The following DMD variants were observed in gnomAD, a reference collection of about 807,000 sequenced individuals.
The protein encoded by DMD is mutant dystrophin.
Under a neutral mutation model 330.1 loss-of-function variants are expected in DMD, and 63 were observed. The ratio of observed to expected loss-of-function variants is 0.19; its 90% confidence interval spans 0.16 to 0.24. The LOEUF is 0.24. Among genes scored for constraint, DMD ranks in the 10% least tolerant of loss-of-function variants. DMD has a pLI of 1.00. For missense variants in DMD, 3,344 were observed against 2,684.1 expected (o/e 1.25, Z -5.43); for synonymous variants, 1,223 against 959.8 (o/e 1.27, Z -5.07).
At chrX:32,099,545 T>C (rs978989886) in intron 44 of DMD, among the ~76,000 whole-genome samples, 4 of 109,132 alleles carry the variant, frequency 3.7e-5, no homozygotes, top group Middle Eastern at 8.5e-3. Flanking sequence ...ATATACACCA[T>C]GGAATACTAT....
At chrX:31,939,482 T>A (rs2094964331) in intron 45 of DMD, among the ~76,000 whole-genome samples, 1 of 111,939 alleles carries the variant, frequency 8.9e-6, no homozygotes, top group Non-Finnish European at 1.9e-5. Flanking sequence ...GGAAAGTAAG[T>A]CCAAATCTAA....
At chrX:32,121,619 G>GCATATATA (rs2096635420) in intron 44 of DMD, among the ~76,000 whole-genome samples, 1 of 28,715 alleles carries the variant, frequency 3.5e-5, no homozygotes, top group Non-Finnish European at 6.1e-5. Flanking sequence ...AAATATGTGT[G>GCATATATA]CATATATATA....
intron 1 of DMD, among the ~76,000 whole-genome samples, chrX:33,180,843 C>CTTTT (rs3990972): frequency 2.4e-4 from 20 of 84,755 alleles, no homozygotes; most frequent in South Asian, 2.1e-3. Flanking sequence ...TGTCTAAGAG[C>CTTTT]TTTTTTTTTT....
At chrX:33,003,689 CTTATA>C (rs72502457) in intron 2 of DMD, among the ~76,000 whole-genome samples, 3,908 of 111,385 alleles carry the variant, frequency 0.035, 126 homozygotes, top group East Asian at 0.2. Flanking sequence ...GCTGAAATGT[CTTATA>C]TAAATAGTCT....
intron 1 of DMD, among the ~76,000 whole-genome samples, chrX:33,071,375 C>T (rs188403708): frequency 7.2e-4 from 74 of 103,300 alleles, no homozygotes; most frequent in Admixed American, 2.2e-3. Context: ...GCTGAGATCA[C>T]GCCACTTCAC....
intron 30 of DMD, among the ~76,000 whole-genome samples, chrX:32,395,526 C>A (rs1187556841): frequency 9.0e-6 from 1 of 111,289 alleles, no homozygotes; most frequent in South Asian, 3.7e-4. Flanking sequence ...ACATACGTAA[C>A]AAACCTGCAT....
chrX:31,577,851 G>C (rs2076174240), intron 55 of DMD, among the ~76,000 whole-genome samples: 1 of 111,346 alleles, frequency 9.0e-6, no homozygotes, highest in African/African-American at 3.3e-5. Context: ...ATCAATGTGA[G>C]AGTTACAACT....
At chrX:32,906,868 C>T (rs962655051) in intron 2 of DMD, among the ~76,000 whole-genome samples, 6 of 111,161 alleles carry the variant, frequency 5.4e-5, no homozygotes, top group African/African-American at 9.8e-5. Flanking sequence ...CCAAATCAAT[C>T]GGCCAAGCAA....
chrX:32,795,086 G>T (rs774606444), intron 7 of DMD, among the ~76,000 whole-genome samples: 2 of 111,907 alleles, frequency 1.8e-5, no homozygotes, highest in African/African-American at 6.5e-5. Context: ...TCTACTCAAA[G>T]CATTCTACAT....
chrX:32,509,057 G>A (rs752690253), intron 18 of DMD, among the ~76,000 whole-genome samples: 2 of 109,635 alleles, frequency 1.8e-5, no homozygotes, highest in South Asian at 7.9e-4. Context: ...TGATCCACCC[G>A]CCTCGACCTC....
chrX:31,314,764 G>GAA (rs1424885557), intron 62 of DMD, among the ~76,000 whole-genome samples: 43,369 of 95,536 alleles, frequency 0.45, 7,632 homozygotes, highest in South Asian at 0.64. Context: ...GAGAGAGAGA[G>GAA]AGAGAGAGAG....
intron 44 of DMD, among the ~76,000 whole-genome samples, chrX:32,015,196 C>T (rs765498644): frequency 1.7e-4 from 19 of 111,739 alleles, no homozygotes; most frequent in East Asian, 8.4e-4. Context: ...GATTCAGATA[C>T]GCAATCAAAG....
chrX:32,974,276 C>T (rs1307999280), intron 2 of DMD, among the ~76,000 whole-genome samples: 1 of 110,962 alleles, frequency 9.0e-6, no homozygotes, highest in Non-Finnish European at 1.9e-5. Context: ...TAGCGGTTGC[C>T]AGAGGCTAGA....
chrX:31,884,127 A>G (rs747198534), intron 47 of DMD, among the ~76,000 whole-genome samples: 2 of 111,948 alleles, frequency 1.8e-5, no homozygotes, highest in South Asian at 7.5e-4. Flanking sequence ...CATATGATTT[A>G]GCAATCTTAT....
At chrX:32,139,276 A>T (rs184255954) in intron 44 of DMD, among the ~76,000 whole-genome samples, 154 of 112,050 alleles carry the variant, frequency 1.4e-3, no homozygotes, top group Non-Finnish European at 2.4e-3. Flanking sequence ...TTACAATCTC[A>T]GTCAATATAT....
At chrX:32,407,176 G>C (rs1362941036) in intron 30 of DMD, among the ~76,000 whole-genome samples, 6 of 111,297 alleles carry the variant, frequency 5.4e-5, no homozygotes, top group African/African-American at 2.0e-4. Flanking sequence ...ACTACCATCA[G>C]AGTGAACAGG....
At chrX:31,251,410 C>T (rs112827052) in intron 63 of DMD, among the ~76,000 whole-genome samples, 195 of 111,698 alleles carry the variant, frequency 1.7e-3, no homozygotes, top group African/African-American at 6.0e-3. Context: ...ATATAAGCAA[C>T]ATTTGTCTCC....
chrX:32,427,681 T>G (rs932697612), intron 29 of DMD, among the ~76,000 whole-genome samples: 7 of 111,094 alleles, frequency 6.3e-5, no homozygotes, highest in Non-Finnish European at 1.1e-4. Context: ...GCCTTGTATG[T>G]TCTACTGAGT....
intron 1 of DMD, among the ~76,000 whole-genome samples, chrX:33,311,213 A>AAT (rs761199758): frequency 9.1e-5 from 10 of 109,569 alleles, no homozygotes; most frequent in Admixed American, 4.0e-4. Flanking sequence ...ACTTAACTAT[A>AAT]ATATATATAT....
Sources: allele counts gnomAD v4.1 joint callset (sites outside exome capture counted in the v4.1 genomes callset), GRCh38; gene constraint gnomAD v4.1.1; transcripts MANE v1.5; gene names NCBI Gene and HGNC (gene_info 2026-07-23, HGNC 2026-07-21).